Variants in UBXN2A observed in about 807,000 individuals in gnomAD.
UBXN2A encodes the protein UBX domain-containing protein 2A.
UBXN2A carries 28 observed loss-of-function variants against 28.4 expected under a neutral mutation model. The ratio of observed to expected loss-of-function variants is 0.99; its 90% CI spans 0.73 to 1.35. The LOEUF is 1.35. Among genes scored for constraint, UBXN2A ranks in the 40% most tolerant of loss-of-function variants. UBXN2A has a pLI of 0.00. For synonymous variants in UBXN2A, 97 were observed against 103.6 expected (o/e 0.94, Z 0.39); for missense variants, 253 against 297.9 (o/e 0.85, Z 1.11).
chr2:23,992,894 GT>G (rs958809800), intron 6 of UBXN2A, among the ~76,000 whole-genome samples: 1 of 152,120 alleles, frequency 6.6e-6, no homozygotes, highest in African/African-American at 2.4e-5. Context: ...AAATAGTTGA[GT>G]TTTGTTTTTA....
In UBXN2A at chr2:23,957,434, C is replaced by G. The variant is rs1370598286; in HGVS notation, c.-14-867C>G. Among the ~76,000 whole-genome samples, 12 of 152,264 alleles carry G rather than the reference C, an allele frequency of 7.9e-5. No homozygotes were observed. The South Asian group carries it at 1.9e-3, about 24-fold the overall frequency. On this transcript the variant is annotated intron_variant, in intron 1 of 6. Coordinates refer to ENST00000309033, the MANE Select transcript of UBXN2A (RefSeq NM_181713.4). ...TCTCCTGCCTCAGCCTTCTGAATAACTGGGACTACAGGTGCGTACCACCAC... is the reference window on the plus strand; with the variant it reads ...TCTCCTGCCTCAGCCTTCTGAATAAGTGGGACTACAGGTGCGTACCACCAC...
intron 6 of UBXN2A, among the ~76,000 whole-genome samples, chr2:23,990,533 G>A (rs529359935): frequency 6.8e-5 from 10 of 146,798 alleles, no homozygotes; most frequent in East Asian, 2.0e-4. Flanking sequence ...TTGGGAGGCC[G>A]GGGGGGCGGG....
chr2:23,944,891 C>A (rs778129372), intron 1 of UBXN2A, among the ~76,000 whole-genome samples: 6 of 152,064 alleles, frequency 3.9e-5, no homozygotes, highest in Non-Finnish European at 7.3e-5. Flanking sequence ...CTAAAGAGGA[C>A]TAGTTAGTTC....
At chr2:23,943,694 T>G (rs991121251) in intron 1 of UBXN2A, among the ~76,000 whole-genome samples, 7 of 152,054 alleles carry the variant, frequency 4.6e-5, no homozygotes, top group Non-Finnish European at 8.8e-5. Context: ...TTTCACCATG[T>G]CGGTCAGGCT....
chr2:23,994,576 A>G (rs146794024), intron 6 of UBXN2A, among the ~76,000 whole-genome samples: 6 of 152,294 alleles, frequency 3.9e-5, no homozygotes, highest in Non-Finnish European at 7.4e-5. Context: ...TGTTAAATAC[A>G]TGTGTTGGAA....
chr2:23,957,456 CCACA>C (rs1553305745), intron 1 of UBXN2A, among the ~76,000 whole-genome samples: 1 of 152,150 alleles, frequency 6.6e-6, no homozygotes, highest in Non-Finnish European at 1.5e-5. Flanking sequence ...GTGCGTACCA[CCACA>C]CTTGGCTAAT....
chr2:23,955,119 G>A (rs1706556769), intron 1 of UBXN2A, among the ~76,000 whole-genome samples: 1 of 151,962 alleles, frequency 6.6e-6, no homozygotes, highest in Non-Finnish European at 1.5e-5. Context: ...TTTTAGTAGA[G>A]ACGGGGTTTC....
rs1707979029 is a variant in UBXN2A at position 23,983,046 on chromosome 2, A to AT, written c.425+15dup. The AT allele has an allele frequency of 8.8e-6, 14 of 1,587,716 alleles. No homozygotes were observed. The highest frequency in any genetic ancestry group is 1.1e-5 in the Non-Finnish European group (13 of 1,167,772). ...ACAGACTAGGAAGGTAAATATGCCT[A>AT]TTGTCTTGTTTTGCATAGATCAAGG... On this transcript the variant is annotated intron_variant, in intron 5 of 6. Coordinates refer to ENST00000309033, the MANE Select transcript of UBXN2A (RefSeq NM_181713.4).
At chr2:23,992,456 G>T (rs1024858882) in intron 6 of UBXN2A, among the ~76,000 whole-genome samples, 5 of 152,176 alleles carry the variant, frequency 3.3e-5, no homozygotes, top group African/African-American at 9.7e-5. Flanking sequence ...CAGATTCTTC[G>T]TGGCATCTCT....
At chr2:23,928,712 A>G (rs1705253619) in intron 1 of UBXN2A, among the ~76,000 whole-genome samples, 1 of 152,240 alleles carries the variant, frequency 6.6e-6, no homozygotes, top group Admixed American at 6.5e-5. Flanking sequence ...AATGGCATCA[A>G]ACTTAGAGCA....
chr2:23,950,793 C>T (rs140449139), intron 1 of UBXN2A, among the ~76,000 whole-genome samples: 5,854 of 151,934 alleles, frequency 0.039, 111 homozygotes, highest in South Asian at 0.046. Flanking sequence ...AACCTCCACC[C>T]GCCGGGTTCA....
chr2:23,951,705 C>A (rs1353505938), intron 1 of UBXN2A, among the ~76,000 whole-genome samples: 1 of 151,948 alleles, frequency 6.6e-6, no homozygotes, highest in Admixed American at 6.6e-5. Context: ...AAGTGATCCC[C>A]CTGCCTGGGC....
At chr2:23,955,136 C>T (rs937136233) in intron 1 of UBXN2A, among the ~76,000 whole-genome samples, 43 of 151,944 alleles carry the variant, frequency 2.8e-4, no homozygotes, top group Admixed American at 7.9e-4. Flanking sequence ...TTTCACCTTG[C>T]TGTCCAGAAT....
chr2:23,934,184 C>A (rs1206363695), intron 1 of UBXN2A, among the ~76,000 whole-genome samples: 2 of 151,886 alleles, frequency 1.3e-5, no homozygotes, highest in African/African-American at 2.4e-5. Flanking sequence ...GCACTCCAGC[C>A]TGGGCAACAG....
intron 4 of UBXN2A, among the ~76,000 whole-genome samples, chr2:23,981,303 CAAAAAAAA>C (rs34236089): frequency 1.4e-5 from 1 of 69,494 alleles, no homozygotes; most frequent in Admixed American, 1.9e-4. Context: ...CCTGTCTCTA[CAAAAAAAA>C]AAAAAAAAAA....
intron 3 of UBXN2A, among the ~76,000 whole-genome samples, chr2:23,972,415 G>A (rs1036430339): frequency 6.6e-5 from 10 of 152,170 alleles, no homozygotes; most frequent in Non-Finnish European, 8.8e-5. Context: ...CCCTCTGGTC[G>A]CAAGCATTTC....
At chr2:23,944,686 T>C (rs1705961747) in intron 1 of UBXN2A, among the ~76,000 whole-genome samples, 2 of 152,178 alleles carry the variant, frequency 1.3e-5, no homozygotes, top group Admixed American at 1.3e-4. Context: ...TCCTGGGATA[T>C]TGGAAACAAT....
intron 6 of UBXN2A, among the ~76,000 whole-genome samples, chr2:23,989,531 G>C (rs1300424620): frequency 6.6e-6 from 1 of 151,522 alleles, no homozygotes; most frequent in South Asian, 2.1e-4. Flanking sequence ...AGGATTACAG[G>C]CATGAGCCAC....
chr2:23,937,399 A>C (rs1008420060), upstream of UBXN2A, among the ~76,000 whole-genome samples: 1 of 151,966 alleles, frequency 6.6e-6, no homozygotes, highest in African/African-American at 2.4e-5. Flanking sequence ...ATTTTTTTTT[A>C]ATTGGTCGGG....
Sources: allele counts gnomAD v4.1 joint callset (sites outside exome capture counted in the v4.1 genomes callset), GRCh38; gene constraint gnomAD v4.1.1; transcripts MANE v1.5; gene names NCBI Gene and HGNC (gene_info 2026-07-23, HGNC 2026-07-21).